Variants in CAMSAP2 observed in about 807,000 individuals in gnomAD.
CAMSAP2 encodes calmodulin regulated spectrin associated protein family member 2.
CAMSAP2 carries 26 observed loss-of-function variants against 146.1 expected under a neutral mutation model. The ratio of observed to expected loss-of-function variants is 0.18; its 90% CI spans 0.13 to 0.25. CAMSAP2 has a LOEUF of 0.25. Among genes scored for constraint, CAMSAP2 ranks in the 10% least tolerant of loss-of-function variants. The pLI is 1.00. For synonymous variants in CAMSAP2, 499 were observed against 596.6 expected (o/e 0.84, Z 2.38); for missense variants, 1,381 against 1,759.3 (o/e 0.78, Z 3.85).
chr1:200,799,111 ATAT>A (rs1665965792), intron 2 of CAMSAP2, among the ~76,000 whole-genome samples: 1 of 152,084 alleles, frequency 6.6e-6, no homozygotes. Flanking sequence ...TTCATCAGGG[ATAT>A]TGGCCTGAAA....
At chr1:200,841,964 TGTAG>T in intron 6 of CAMSAP2, 26 bp from the exon 7 acceptor site, 1 of 1,467,588 alleles carries the variant, frequency 6.8e-7, no homozygotes, top group South Asian at 1.1e-5. Flanking sequence ...TTTTACCTAA[TGTAG>T]GCTTTCTCTT....
chr1:200,838,274 T>C (rs1169603590), intron 6 of CAMSAP2, among the ~76,000 whole-genome samples: 3 of 152,170 alleles, frequency 2.0e-5, no homozygotes, highest in Non-Finnish European at 4.4e-5. Context: ...TTAAGCAGTA[T>C]TTTTTCAAAA....
rs763600708 is a variant in CAMSAP2, at chr1:200,848,625, T to C, written c.1856T>C (p.Ile619Thr). ...DTGIHVPSED[I>T]PETMDEDSSL... Reference sequence around the variant, plus strand: ...GGAATTCACGTTCCTTCAGAAGATATTCCTGAAACTATGGACGAAGATTCT... The same window carrying C: ...GGAATTCACGTTCCTTCAGAAGATACTCCTGAAACTATGGACGAAGATTCT... The change falls in exon 11 of 17, where the codon ATT (isoleucine) becomes ACT (threonine). Residue 619 changes from isoleucine to threonine, a missense_variant. By Grantham distance (89) the Ile-to-Thr change is moderately conservative. Coordinates refer to ENST00000358823, the MANE Select transcript of CAMSAP2 (RefSeq NM_203459.4). 1.9e-6 allele frequency: 3 copies of C among 1,614,112 alleles called. No individual in the cohort carries two copies. Among genetic ancestry groups the C allele is most frequent in the South Asian group, 1.1e-5 (1 of 91,070 alleles).
At chr1:200,834,402 T>A (rs2102221572) in intron 6 of CAMSAP2, among the ~76,000 whole-genome samples, 1 of 152,248 alleles carries the variant, frequency 6.6e-6, no homozygotes, top group Middle Eastern at 3.4e-3. Context: ...ACGAATAGAT[T>A]TTTGAAAATC....
At chr1:200,812,703 T>C (rs1195079149) in intron 3 of CAMSAP2, among the ~76,000 whole-genome samples, 1 of 152,168 alleles carries the variant, frequency 6.6e-6, no homozygotes, top group Non-Finnish European at 1.5e-5. Flanking sequence ...GCATAGTGGC[T>C]AAAATGAGTT....
intron 2 of CAMSAP2, among the ~76,000 whole-genome samples, chr1:200,791,190 C>T (rs1242732958): frequency 6.6e-6 from 1 of 152,194 alleles, no homozygotes. Context: ...AAGATGCATT[C>T]TGTGTCTTAT....
intron 4 of CAMSAP2, among the ~76,000 whole-genome samples, chr1:200,817,221 T>A (rs74708533): frequency 0.25 from 20,251 of 80,804 alleles, 1,837 homozygotes; most frequent in East Asian, 0.45. Flanking sequence ...TACACACATA[T>A]GTGTGTGTAT....
chr1:200,786,477 G>A (rs933851531), intron 2 of CAMSAP2, among the ~76,000 whole-genome samples: 1 of 151,658 alleles, frequency 6.6e-6, no homozygotes, highest in Non-Finnish European at 1.5e-5. Flanking sequence ...TCCGCCTCCC[G>A]GGTTCAAGCG....
rs376286165 is a variant in CAMSAP2 at position 200,848,078 on chromosome 1, G to A, written c.1309G>A (p.Asp437Asn). Reference sequence around the variant, plus strand: ...ATTTGATATTTCTTTTGATAAAGAAGATAGTGTACAGAGATCCACTCCAAA... The same window carrying A: ...ATTTGATATTTCTTTTGATAAAGAAAATAGTGTACAGAGATCCACTCCAAA... ...VSFDISFDKE[D>N]SVQRSTPNRG... The change falls in exon 11 of 17, where the codon GAT (aspartate) becomes AAT (asparagine). Residue 437 changes from aspartate (D) to asparagine (N), a missense_variant. Physicochemically the swap from Asp to Asn is conservative, Grantham distance 23 (BLOSUM62 1). Transcript: ENST00000358823. 3.8e-6 allele frequency: 6 copies of A among 1,577,914 alleles called. No individual in the cohort carries two copies. Among genetic ancestry groups the A allele is most frequent in the Non-Finnish European group, 5.2e-6 (6 of 1,164,470 alleles).
At chr1:200,838,844 G>A (rs1667247010) in intron 6 of CAMSAP2, among the ~76,000 whole-genome samples, 1 of 152,214 alleles carries the variant, frequency 6.6e-6, no homozygotes, top group South Asian at 2.1e-4. Flanking sequence ...AGAGAAGTTG[G>A]TGAATTCCAG....
At chr1:200,790,802 A>G (rs1665728296) in intron 2 of CAMSAP2, among the ~76,000 whole-genome samples, 1 of 152,150 alleles carries the variant, frequency 6.6e-6, no homozygotes, top group Admixed American at 6.5e-5. Context: ...TTTGCTAGTG[A>G]CATCTTTAGA....
chr1:200,831,182 G>A (rs536556984), intron 4 of CAMSAP2, among the ~76,000 whole-genome samples: 98 of 152,110 alleles, frequency 6.4e-4, no homozygotes, highest in African/African-American at 2.2e-3. Flanking sequence ...AAATACTTTC[G>A]TGTGTACATT....
At chr1:200,791,958 C>T (rs977019274) in intron 2 of CAMSAP2, among the ~76,000 whole-genome samples, 2 of 149,354 alleles carry the variant, frequency 1.3e-5, no homozygotes, top group African/African-American at 5.0e-5. Flanking sequence ...AAAGCAAGAC[C>T]CTGTCTCCAA....
rs1263397435 is a variant in CAMSAP2 at position 200,860,600 on chromosome 1, T to C, written c.*2541T>C. The C allele has an allele frequency of 2.8e-4, 42 of 152,396 alleles. 1 individual carries two copies. 9.4% of individuals were successfully genotyped at this position (152,396 alleles called of 1,614,324 possible). ...TCCACTCTAGAGCATTGCTTACAGG[T>C]TTTTTGTTTTTTAAGATGCTGTGCT... On this transcript the variant is annotated 3_prime_UTR_variant, in exon 17 of 17. Coordinates refer to ENST00000358823, the MANE Select transcript of CAMSAP2 (RefSeq NM_203459.4).
In CAMSAP2 at chr1:200,739,908, C is replaced by T. The variant is rs749582451; in HGVS notation, c.81C>T (p.Phe27=). The change falls in exon 1 of 17, where the codon TTC becomes TTT. Residue 27 remains phenylalanine (F), a synonymous_variant. Transcript: ENST00000358823. The surrounding 1 kb of genome is among the most constrained non-coding windows in gnomAD (Gnocchi z 4.8). ...PAIKPFDHYD[F]SRAKIACNLA... ...TCAAGCCTTTTGACCACTATGATTT[C>T]TCCAGGGCCAAAATCGCCTGCAATC... is the stretch of plus-strand genomic sequence containing the variant. 8 of 1,614,206 alleles carry T rather than the reference C, an allele frequency of 5.0e-6. No individual in the cohort carries two copies. The highest frequency in any genetic ancestry group is 1.7e-5 in the Admixed American group (1 of 60,028).
At chr1:200,817,181 C>CACACATATAAGTGTGTGTGTATAT (rs1553288774) in intron 4 of CAMSAP2, among the ~76,000 whole-genome samples, 2 of 53,768 alleles carry the variant, frequency 3.7e-5, no homozygotes, top group South Asian at 7.5e-4. Context: ...TGTATATACA[C>CACACATATAAGTGTGTGTGTATAT]ACACACACAT....
rs139536882 is a variant in CAMSAP2, at chr1:200,761,116, C to T, written c.399+18C>T. The T allele has an allele frequency of 2.2e-4, 349 of 1,608,918 alleles. 3 individuals are homozygous for T. The African/African-American group carries it at 4.3e-3, about 20-fold the overall frequency. On this transcript the variant is annotated intron_variant, in intron 2 of 16. Transcript: ENST00000358823. ...TACAGATGGTGAGTCTTTATATACCCAAGATTATTTTAAGTTTGAAGTGTG... is the reference window on the plus strand; with the variant it reads ...TACAGATGGTGAGTCTTTATATACCTAAGATTATTTTAAGTTTGAAGTGTG...
At chr1:200,752,533 T>C (rs1664535165) in intron 1 of CAMSAP2, among the ~76,000 whole-genome samples, 1 of 152,152 alleles carries the variant, frequency 6.6e-6, no homozygotes, top group Non-Finnish European at 1.5e-5. Flanking sequence ...CAGCCCGTAT[T>C]CAGATTTGCC....
Position 200,847,218 on chromosome 1 carries a change from G to C in CAMSAP2, c.1118G>C (p.Gly373Ala), listed in dbSNP as rs1192829231. The C allele has an allele frequency of 1.2e-6, 2 of 1,607,070 alleles. No homozygotes were observed. Among genetic ancestry groups the C allele is most frequent in the East Asian group, 4.5e-5 (2 of 44,740 alleles). The change falls in exon 9 of 17, where the codon GGA becomes GCA. Residue 373 changes from glycine to alanine, a missense_variant. This residue lies in a region of CAMSAP2 where 447 missense variants were observed against 462.2 expected (regional missense o/e 0.97). Coordinates refer to ENST00000358823, the MANE Select transcript of CAMSAP2 (RefSeq NM_203459.4). Reference sequence around the variant, plus strand: ...TTTATTTTCCATTGCAGTGGGGAAGGAGCTACATTTACACAGTCTCATCAT... The same window carrying C: ...TTTATTTTCCATTGCAGTGGGGAAGCAGCTACATTTACACAGTCTCATCAT... ...SSSDFPSSGE[G>A]ATFTQSHHHL... is the part of the protein sequence containing the mutation.
Sources: allele counts gnomAD v4.1 joint callset (sites outside exome capture counted in the v4.1 genomes callset), GRCh38; gene constraint gnomAD v4.1.1; regional missense constraint gnomAD v4.1.1; non-coding constraint Gnocchi (gnomAD v3.1); transcripts MANE v1.5; gene names NCBI Gene and HGNC (gene_info 2026-07-23, HGNC 2026-07-21).